Variants in SCN1A observed in about 807,000 individuals in gnomAD.
The protein encoded by SCN1A is sodium channel protein type 1 subunit alpha.
SCN1A carries 13 observed loss-of-function variants against 193.7 expected under a neutral mutation model. That is an observed-to-expected ratio of 0.07 (90% CI 0.04 to 0.11). SCN1A has a LOEUF of 0.11. SCN1A is among the 10% of genes least tolerant of loss of function. The pLI, the probability that SCN1A is intolerant of heterozygous loss-of-function variation, is 1.00. For synonymous variants in SCN1A, 781 were observed against 843.6 expected, an observed-to-expected ratio of 0.93 and a Z score of 1.29; for missense variants, 1,432 against 2,451.1, an observed-to-expected ratio of 0.58 and a Z score of 8.78.
At chr2:166,056,553 T>C in intron 5 of SCN1A, 53 bp from the exon 6 acceptor site, 1 of 1,334,462 alleles carries the variant, frequency 7.5e-7, no homozygotes. Context: ...AAGTGTTATA[T>C]TACAAAAAGC....
At position 165,991,823 on chromosome 2, in the gene SCN1A, C is replaced by A. The variant is rs747251662; in HGVS notation, c.5452G>T (p.Asp1818Tyr). Residue 1818 changes from aspartate (D) to tyrosine (Y), a missense_variant, in exon 29 of 29, where the codon GAT (aspartate) becomes TAT (tyrosine). Around this residue, in one of 18 missense-constraint regions of SCN1A, gnomAD observed 59 missense variants for 110.6 expected, o/e 0.53. Coordinates refer to ENST00000674923, the MANE Select transcript of SCN1A (RefSeq NM_001165963.4). Reference sequence around the variant, plus strand: ...TCAAATTCCATGAACTGAGTTGCATCGGGATCAAACTTCTCCCAAACCTCA... The same window carrying A: ...TCAAATTCCATGAACTGAGTTGCATAGGGATCAAACTTCTCCCAAACCTCA... ...FYEVWEKFDP[D>Y]ATQFMEFEKL... is the part of the protein sequence containing the mutation. The A allele has an allele frequency of 6.2e-7, 1 of 1,613,910 alleles. No homozygotes were observed. The highest frequency in any genetic ancestry group is 8.5e-7 in the Non-Finnish European group (1 of 1,179,920).
intron 2 of SCN1A, among the ~76,000 whole-genome samples, chr2:166,094,219 A>G (rs935742131): frequency 2.0e-5 from 3 of 152,160 alleles, no homozygotes. Flanking sequence ...ACAAGGAATG[A>G]CCCTTGGAGA....
At chr2:166,142,559 C>T (rs1692132973) in intron 1 of SCN1A, among the ~76,000 whole-genome samples, 1 of 152,224 alleles carries the variant, frequency 6.6e-6, no homozygotes, top group Non-Finnish European at 1.5e-5. Flanking sequence ...ATCACTGCTA[C>T]TTTCCCTTCT....
chr2:166,092,663 G>C (rs939555943), intron 2 of SCN1A: 9 of 152,016 alleles, frequency 5.9e-5, no homozygotes, highest in Non-Finnish European at 8.8e-5. Flanking sequence ...ACCATGCTCA[G>C]GTAGGAAAAA....
intron 25 of SCN1A, among the ~76,000 whole-genome samples, chr2:165,998,396 A>G (rs1690384518): frequency 6.6e-6 from 1 of 150,822 alleles, no homozygotes; most frequent in South Asian, 2.1e-4. Context: ...ATCTATTTTT[A>G]TAACTATAAA....
intron 2 of SCN1A, among the ~76,000 whole-genome samples, chr2:166,121,399 C>G (rs1384229299): frequency 6.6e-6 from 1 of 151,994 alleles, no homozygotes. Flanking sequence ...TTTACCAATT[C>G]CCCATGAATT....
chr2:165,991,418 G>A lies in SCN1A; in HGVS notation c.5857C>T (p.Leu1953Phe). The A allele has an allele frequency of 6.2e-7, 1 of 1,613,782 alleles. No homozygotes were observed. Among genetic ancestry groups the A allele is most frequent in the South Asian group, 1.1e-5 (1 of 91,078 alleles). ...NKNKIKGGANLLIKEDMIIDR... is the reference protein window; with the variant it reads ...NKNKIKGGANFLIKEDMIIDR... The stretch of plus-strand genomic sequence containing the variant: ...ATTATCATGTCTTCTTTTATAAGAA[G>A]ATTAGCCCCACCTTTGATTTTGTTT... Residue 1953 changes from leucine to phenylalanine, a missense_variant, in exon 29 of 29, where the codon CTT becomes TTT. Coordinates refer to ENST00000674923, the MANE Select transcript of SCN1A (RefSeq NM_001165963.4).
rs945973433 is a variant in SCN1A at position 165,987,580 on chromosome 2, A to G, written c.*3665T>C. The G allele has an allele frequency of 1.3e-5, 2 of 152,126 alleles. No individual in the cohort carries two copies. Among genetic ancestry groups the G allele is most frequent in the African/African-American group, 4.8e-5 (2 of 41,436 alleles). The allele number at this position is 152,126 out of a possible 1,614,324, so 9.4% of individuals were successfully genotyped here. On this transcript the variant is annotated 3_prime_UTR_variant, in exon 29 of 29. Coordinates refer to ENST00000674923, the MANE Select transcript of SCN1A (RefSeq NM_001165963.4). ...TCCTTATTTACTTACATCAGTATGT[A>G]TTTGCTGATTCTTATTCAATGAATT...
At chr2:166,050,650 T>TATA in intron 9 of SCN1A, among the ~76,000 whole-genome samples, 1 of 134,532 alleles carries the variant, frequency 7.4e-6, no homozygotes, top group South Asian at 2.3e-4. Context: ...TGTGTATATA[T>TATA]TTTTTTTTTG....
chr2:166,032,202 T>TACAC lies in SCN1A; in HGVS notation c.3429+3842_3429+3845dup. 2.6e-3 allele frequency among the ~76,000 whole-genome samples: 201 copies of TACAC among 77,182 alleles called. 8 individuals carry two copies. Among genetic ancestry groups the TACAC allele is most frequent in the South Asian group, 5.2e-3 (15 of 2,900 alleles). 50.6% of individuals were successfully genotyped at this position (77,182 alleles called of 152,430 possible). A position where few individuals can be genotyped will look rare whatever the true frequency, so the allele number is the denominator to read the frequency against. ...ATTCATACTTAAAGGTTGAAAGTCATACACACACACACACACACACACACA... is the reference window on the plus strand; with the variant it reads ...ATTCATACTTAAAGGTTGAAAGTCATACACACACACACACACACACACACACACA... On this transcript the variant is annotated intron_variant, in intron 19 of 28. Coordinates refer to ENST00000674923, the MANE Select transcript of SCN1A (RefSeq NM_001165963.4).
chr2:166,117,863 T>A (rs960009845), intron 2 of SCN1A, among the ~76,000 whole-genome samples: 1 of 151,742 alleles, frequency 6.6e-6, no homozygotes, highest in Non-Finnish European at 1.5e-5. Flanking sequence ...CTCAGGAGGC[T>A]GAGGCAGGAG....
Position 166,035,984 on chromosome 2 carries a change from CTGTA to C in SCN1A, c.3429+60_3429+63del, listed in dbSNP as rs1696286020. 2.7e-6 allele frequency: 4 copies of C among 1,495,552 alleles called. No individual in the cohort carries two copies. The African/African-American group carries it at 4.1e-5, about 15-fold the overall frequency. The allele number at this position is 1,495,552 out of a possible 1,614,324, so 92.6% of individuals were successfully genotyped here. A position where few individuals can be genotyped will look rare whatever the true frequency, so the allele number is the denominator to read the frequency against. On this transcript the variant is annotated intron_variant, in intron 19 of 28. Coordinates refer to ENST00000674923, the MANE Select transcript of SCN1A (RefSeq NM_001165963.4). Reference sequence around the variant, plus strand: ...AAAACATCATTAAGCTGAGGATCATCTGTATGTGTGTATATGTATATATGTATAT... The same window carrying C: ...AAAACATCATTAAGCTGAGGATCATCTGTGTGTATATGTATATATGTATAT...
At chr2:166,122,883 T>C (rs1284605562) in intron 2 of SCN1A, among the ~76,000 whole-genome samples, 2 of 152,170 alleles carry the variant, frequency 1.3e-5, no homozygotes, top group Non-Finnish European at 2.9e-5. Flanking sequence ...AGTAGATTCT[T>C]CATCAAAATT....
At chr2:166,017,877 T>C (rs1156485742) in intron 19 of SCN1A, among the ~76,000 whole-genome samples, 1 of 151,996 alleles carries the variant, frequency 6.6e-6, no homozygotes, top group African/African-American at 2.4e-5. Flanking sequence ...AGTTTTCCAG[T>C]CTATACCAAG....
Position 166,011,903 on chromosome 2 carries a change from C to T in SCN1A, c.3879+206G>A, listed in dbSNP as rs78077301. Among the ~76,000 whole-genome samples the T allele has an allele frequency of 2.8e-3, 423 of 151,356 alleles. 20 individuals are homozygous for T. In the East Asian group the frequency reaches 0.073, roughly 26 times the overall value. On this transcript the variant is annotated intron_variant, in intron 22 of 28. Transcript: ENST00000674923. ...CTTTCTCAGATAACTAGAGAACTAC[C>T]ATAGATTCCATCCCCCAATGTTATT...
intron 24 of SCN1A, among the ~76,000 whole-genome samples, chr2:166,000,929 T>C (rs1184428171): frequency 2.0e-5 from 3 of 150,990 alleles, no homozygotes; most frequent in Non-Finnish European, 3.0e-5. Flanking sequence ...ATTTATTTAA[T>C]AGCTTTGTGC....
chr2:165,999,648 C>A, intron 25 of SCN1A, 75 bp downstream of exon 25: 1 of 1,050,186 alleles, frequency 9.5e-7, no homozygotes, highest in South Asian at 1.3e-5. Flanking sequence ...TTCATTTGGT[C>A]GTTTATGCTT....
intron 25 of SCN1A, chr2:165,998,950 T>C (rs1199988082): frequency 6.6e-6 from 1 of 151,490 alleles, no homozygotes; most frequent in Non-Finnish European, 1.5e-5. Flanking sequence ...TCTATCAGGT[T>C]GAAGACTGCA....
chr2:166,009,854 AAAT>A lies in SCN1A; in HGVS notation c.3880-16_3880-14del. ...TGACCAATGAAACCTGCACACACAA[AAAT>A]AATAACAATTAATAAACAGAATCAT... On this transcript the variant is annotated splice_polypyrimidine_tract_variant and intron_variant, in intron 22 of 28. Transcript: ENST00000674923. 6.2e-7 allele frequency: 1 copy of A among 1,603,898 alleles called. No individual in the cohort carries two copies. The highest frequency in any genetic ancestry group is 2.2e-5 in the East Asian group (1 of 44,516).
Sources: gnomAD v4.1 joint callset for allele counts (sites outside exome capture counted in the v4.1 genomes callset) on GRCh38, gnomAD v4.1.1 for gene constraint, gnomAD v4.1.1 regional missense constraint, MANE v1.5 for transcripts, NCBI Gene and HGNC (gene_info 2026-07-23, HGNC 2026-07-21) for gene names.